TSPEAR: variants seen among roughly 807,000 people sequenced by gnomAD.
TSPEAR encodes thrombospondin-type laminin G domain and EAR repeat-containing protein.
In TSPEAR, 69 loss-of-function variants were observed where a neutral mutation model predicts 71.6. The ratio of observed to expected loss-of-function variants is 0.96; its 90% CI spans 0.79 to 1.18. TSPEAR has a LOEUF of 1.18. Ranked by LOEUF, TSPEAR falls within the 50% of genes most tolerant of loss-of-function variation. The pLI, the probability that TSPEAR is intolerant of heterozygous loss-of-function variation, is 0.00. For missense variants in TSPEAR, 971 were observed against 894.9 expected, an observed-to-expected ratio of 1.09 and a Z score of -1.09; for synonymous variants, 402 against 387.2, an observed-to-expected ratio of 1.04 and a Z score of -0.45.
intron 1 of TSPEAR, among the ~76,000 whole-genome samples, chr21:44,709,018 G>T (rs1988081308): frequency 6.6e-6 from 1 of 152,206 alleles, no homozygotes; most frequent in Admixed American, 6.5e-5. Flanking sequence ...ACGGTTCCTG[G>T]GGTAACACTC....
Position 44,526,359 on chromosome 21 carries a change from G to A in TSPEAR, c.1150-520C>T, listed in dbSNP as rs114703997. 2.4e-3 allele frequency among the ~76,000 whole-genome samples: 365 copies of A among 152,324 alleles called. 3 individuals are homozygous for A. Among genetic ancestry groups the A allele is most frequent in the African/African-American group, 8.2e-3 (342 of 41,580 alleles). On this transcript the variant is annotated intron_variant, in intron 7 of 11. Transcript: ENST00000323084. ...GGACGATGTGCTTGGAGGCAAGGAC[G>A]CCACATGAACCTACGTACTTGCTTG...
Position 44,558,484 on chromosome 21 carries a change from A to G in TSPEAR, c.303+9301T>C, listed in dbSNP as rs781972824. The G allele has an allele frequency of 2.9e-5, 47 of 1,613,856 alleles. No homozygotes were observed. In the African/African-American group the frequency reaches 5.7e-4, roughly 20 times the overall value. On this transcript the variant is annotated intron_variant, in intron 2 of 11. Transcript: ENST00000323084. Reference sequence around the variant, plus strand: ...TGGCAGCTAGACTGCTGGCAGCACGAGGGCGTGCAGGAGCTGGTGCAGCCT... The same window carrying G: ...TGGCAGCTAGACTGCTGGCAGCACGGGGGCGTGCAGGAGCTGGTGCAGCCT...
Position 44,612,064 on chromosome 21 carries a change from C to A in TSPEAR, c.83-44059G>T. ...CCAGGGCACACAAACCCACACACCT[C>A]ACACCAGCACTCACACCACCCAGTC... On this transcript the variant is annotated intron_variant, in intron 1 of 11. Coordinates refer to ENST00000323084, the MANE Select transcript of TSPEAR (RefSeq NM_144991.3). This position sits in a 1 kb window ranked among gnomAD's most constrained non-coding sequence, Gnocchi z 4.1. 6.3e-7 allele frequency: 1 copy of A among 1,594,396 alleles called. No individual in the cohort carries two copies. The highest frequency in any genetic ancestry group is 8.6e-7 in the Non-Finnish European group (1 of 1,167,224).
At position 44,550,746 on chromosome 21, in the gene TSPEAR, A is replaced by C. The variant is rs587632464; in HGVS notation, c.304-16823T>G. 22 of 1,614,146 alleles carry C rather than the reference A, an allele frequency of 1.4e-5. No homozygotes were observed. The South Asian group carries it at 2.4e-4, about 18-fold the overall frequency. ...GCTGCAGGAGGCTGGGCGGGAGCAC[A>C]CGGGGCGGCAGAGGAGGGACACAGA... is the stretch of plus-strand genomic sequence containing the variant. On this transcript the variant is annotated intron_variant, in intron 2 of 11. Coordinates refer to ENST00000323084, the MANE Select transcript of TSPEAR (RefSeq NM_144991.3).
intron 1 of TSPEAR, among the ~76,000 whole-genome samples, chr21:44,678,551 G>C (rs13052999): frequency 0.49 from 73,745 of 151,848 alleles, 18,006 homozygotes; most frequent in South Asian, 0.55. Flanking sequence ...AAATTACCCA[G>C]TCTCAGGTAT....
At chr21:44,512,846 CA>C (rs2145931852) in intron 9 of TSPEAR, among the ~76,000 whole-genome samples, 1 of 152,228 alleles carries the variant, frequency 6.6e-6, no homozygotes, top group African/African-American at 2.4e-5. Context: ...GCTGTGTGGT[CA>C]CCTGCCTGGG....
At chr21:44,659,835 G>T (rs1158065278) in intron 1 of TSPEAR, among the ~76,000 whole-genome samples, 2 of 152,192 alleles carry the variant, frequency 1.3e-5, no homozygotes, top group African/African-American at 4.8e-5. Context: ...GAGCTATCAG[G>T]TATAAACTTT....
chr21:44,639,835 G>A (rs1046278067), intron 1 of TSPEAR, among the ~76,000 whole-genome samples: 13 of 151,778 alleles, frequency 8.6e-5, no homozygotes, highest in African/African-American at 1.4e-4. Flanking sequence ...CCAAGGCACC[G>A]ACAGGACCCA....
In TSPEAR at chr21:44,509,267, G is replaced by A. The variant is rs781895743; in HGVS notation, c.1686C>T (p.Asn562=). 1.9e-6 allele frequency: 3 copies of A among 1,614,114 alleles called. No homozygotes were observed. Among genetic ancestry groups the A allele is most frequent in the Admixed American group, 1.7e-5 (1 of 60,024 alleles). ...MQVQNDSYVI[N]SVIYELNVTA... ...TCACGTTCAGCTCGTAGATGACGGAGTTGATGACATAGGAATCATTCTGGA... is the reference window on the plus strand; with the variant it reads ...TCACGTTCAGCTCGTAGATGACGGAATTGATGACATAGGAATCATTCTGGA... Residue 562 remains asparagine (N), a synonymous_variant, in exon 10 of 12, where the codon AAC becomes AAT. Transcript: ENST00000323084.
intron 11 of TSPEAR, among the ~76,000 whole-genome samples, chr21:44,503,204 G>C (rs2052083470): frequency 7.1e-6 from 1 of 139,952 alleles, no homozygotes; most frequent in Admixed American, 7.2e-5. Flanking sequence ...CCCACAGGGG[G>C]GAAGCAAGGC....
Position 44,499,632 on chromosome 21 carries a change from A to C in TSPEAR, c.*151T>G, listed in dbSNP as rs2051987464. 1 of 738,226 alleles carries C rather than the reference A, an allele frequency of 1.4e-6. No homozygotes were observed. The highest frequency in any genetic ancestry group is 2.1e-6 in the Non-Finnish European group (1 of 481,484). The allele number at this position is 738,226 out of a possible 1,614,324, so 45.7% of individuals were successfully genotyped here. Reference sequence around the variant, plus strand: ...GTGGATGGATGTCCCTGCCCGAACCAGGGCCGCAGATGGCCCCACCTGCAC... The same window carrying C: ...GTGGATGGATGTCCCTGCCCGAACCCGGGCCGCAGATGGCCCCACCTGCAC... On this transcript the variant is annotated 3_prime_UTR_variant, in exon 12 of 12. Transcript: ENST00000323084.
intron 2 of TSPEAR, among the ~76,000 whole-genome samples, chr21:44,561,232 G>A (rs2146057305): frequency 6.6e-6 from 1 of 152,268 alleles, no homozygotes; most frequent in African/African-American, 2.4e-5. Context: ...AGAAAATCTA[G>A]AAGAAATGGG....
intron 9 of TSPEAR, chr21:44,516,711 C>T (rs2052583608): frequency 6.6e-6 from 1 of 152,266 alleles, no homozygotes; most frequent in Admixed American, 6.5e-5. Flanking sequence ...GGATGACCAA[C>T]TGTGCCATCC....
chr21:44,518,609 G>A (rs1555913822), intron 9 of TSPEAR: 3 of 469,134 alleles, frequency 6.4e-6, no homozygotes, highest in Non-Finnish European at 8.9e-6. Context: ...AAAGTCACTT[G>A]TGGTGCCTTT....
rs1029110414 is a variant in TSPEAR, at chr21:44,695,544, C to T, written c.82+15889G>A. Among the ~76,000 whole-genome samples, 1 of 152,170 alleles carries T rather than the reference C, an allele frequency of 6.6e-6. No individual in the cohort carries two copies. The highest frequency in any genetic ancestry group is 1.5e-5 in the Non-Finnish European group (1 of 68,020). On this transcript the variant is annotated intron_variant, in intron 1 of 11. Transcript: ENST00000323084. This position sits in a 1 kb window ranked among gnomAD's most constrained non-coding sequence, Gnocchi z 4.5. ...GATCCCAAGACCCTTTTCCCAAGTCCAATTTTTCCTCCAAGTTCCTGGTCC... is the reference window on the plus strand; with the variant it reads ...GATCCCAAGACCCTTTTCCCAAGTCTAATTTTTCCTCCAAGTTCCTGGTCC...
In TSPEAR at chr21:44,647,321, A is replaced by G. The variant is rs782009919; in HGVS notation, c.82+64112T>C. On this transcript the variant is annotated intron_variant, in intron 1 of 11. Coordinates refer to ENST00000323084, the MANE Select transcript of TSPEAR (RefSeq NM_144991.3). ...CCCGCAAGCTCCCGCCTGGCCTGCT[A>G]CAGCCTCTGCTCAGGCAAGAAGTCC... 99 of 1,613,680 alleles carry G rather than the reference A, an allele frequency of 6.1e-5. No homozygotes were observed. The highest frequency in any genetic ancestry group is 1.0e-4 in the Admixed American group (6 of 59,986).
intron 1 of TSPEAR, chr21:44,628,074 C>G (rs782214697): frequency 6.3e-7 from 1 of 1,595,376 alleles, no homozygotes; most frequent in South Asian, 1.1e-5. Flanking sequence ...CAGGGCCAGC[C>G]GGGCTCAGGC....
chr21:44,681,901 A>G, intron 1 of TSPEAR: 1 of 1,614,094 alleles, frequency 6.2e-7, no homozygotes, highest in African/African-American at 1.3e-5. Context: ...GGCTGGCAGC[A>G]CCCAGAGGAC....
chr21:44,695,327 C>T lies in TSPEAR; in HGVS notation c.82+16106G>A, dbSNP rs979102032. On this transcript the variant is annotated intron_variant, in intron 1 of 11. Coordinates refer to ENST00000323084, the MANE Select transcript of TSPEAR (RefSeq NM_144991.3). This position sits in a 1 kb window ranked among gnomAD's most constrained non-coding sequence, Gnocchi z 4.5. ...CAGACTCTGATATGTACAGAACAGG[C>T]CCCTGGGTCTCGGTCCCCAAAGCAC... Among the ~76,000 whole-genome samples the T allele has an allele frequency of 6.6e-6, 1 of 152,172 alleles. No homozygotes were observed. Among genetic ancestry groups the T allele is most frequent in the Non-Finnish European group, 1.5e-5 (1 of 68,042 alleles).
Sources: allele counts gnomAD v4.1 joint callset (sites outside exome capture counted in the v4.1 genomes callset), GRCh38; gene constraint gnomAD v4.1.1; non-coding constraint Gnocchi (gnomAD v3.1); transcripts MANE v1.5; gene names NCBI Gene and HGNC (gene_info 2026-07-23, HGNC 2026-07-21).